The following PRKN variants were observed in gnomAD, a reference collection of about 807,000 sequenced individuals.
PRKN encodes the protein E3 ubiquitin-protein ligase parkin.
PRKN carries 56 observed loss-of-function variants against 59.5 expected under a neutral mutation model. The observed-to-expected ratio is 0.94, with a 90% CI of 0.76 to 1.18. The LOEUF is 1.18. Among genes scored for constraint, PRKN ranks in the 50% most tolerant of loss-of-function variants. PRKN has a pLI of 0.00. For synonymous variants in PRKN, 250 were observed against 222.1 expected (o/e 1.13, Z -1.12); for missense variants, 657 against 596.4 (o/e 1.10, Z -1.06).
At chr6:162,305,841 C>T (rs1782197077) in intron 2 of PRKN, among the ~76,000 whole-genome samples, 1 of 151,942 alleles carries the variant, frequency 6.6e-6, no homozygotes, top group African/African-American at 2.4e-5. Flanking sequence ...ATACATTTAT[C>T]ATATAGATAC....
In PRKN at chr6:161,372,348, A is replaced by T. The variant is rs1785474090; in HGVS notation, c.1168-12143T>A. Among the ~76,000 whole-genome samples the T allele has an allele frequency of 6.6e-6, 1 of 152,242 alleles. No individual in the cohort carries two copies. The highest frequency in any genetic ancestry group is 2.4e-5 in the African/African-American group (1 of 41,464). Reference sequence around the variant, plus strand: ...ACATAGATGGGATTCTGAATGCGGAATCATCACTAATAGGATGTGAGAGGG... The same window carrying T: ...ACATAGATGGGATTCTGAATGCGGATTCATCACTAATAGGATGTGAGAGGG... On this transcript the variant is annotated intron_variant, in intron 10 of 11. Transcript: ENST00000366898. The surrounding 1 kb of genome is among the most constrained non-coding windows in gnomAD (Gnocchi z 4.2).
intron 1 of PRKN, among the ~76,000 whole-genome samples, chr6:162,602,827 T>C (rs1350273373): frequency 6.6e-6 from 1 of 151,796 alleles, no homozygotes; most frequent in South Asian, 2.1e-4. Flanking sequence ...AAGCAGAGAG[T>C]GGCCTTTTAG....
At chr6:162,476,414 A>T (rs1792021033) in intron 1 of PRKN, among the ~76,000 whole-genome samples, 1 of 152,060 alleles carries the variant, frequency 6.6e-6, no homozygotes, top group Non-Finnish European at 1.5e-5. Flanking sequence ...TATATGTAAA[A>T]TTTTTAGTCT....
At chr6:161,491,565 A>C (rs1298355612) in intron 9 of PRKN, among the ~76,000 whole-genome samples, 1 of 152,226 alleles carries the variant, frequency 6.6e-6, no homozygotes, top group East Asian at 1.9e-4. Context: ...TCAGAGTGGC[A>C]TGTAGAGAAG....
At chr6:162,594,275 T>G (rs1224997786) in intron 1 of PRKN, among the ~76,000 whole-genome samples, 1 of 152,236 alleles carries the variant, frequency 6.6e-6, no homozygotes, top group Non-Finnish European at 1.5e-5. Context: ...TTAACAGTAT[T>G]TTATCTTACA....
chr6:161,906,666 ATATATATATG>A lies in PRKN; in HGVS notation c.734+66626_734+66635del, dbSNP rs201895614. On this transcript the variant is annotated intron_variant, in intron 6 of 11. Transcript: ENST00000366898. The stretch of plus-strand genomic sequence containing the variant: ...CAAATCTAATAGAACATACATATAT[ATATATATATG>A]TATATATGAGTTTATTTAGTAGTAT... 5.4e-3 allele frequency among the ~76,000 whole-genome samples: 673 copies of A among 124,612 alleles called. 38 individuals are homozygous for A. The highest frequency in any genetic ancestry group is 0.035 in the Middle Eastern group (7 of 202). 81.8% of individuals were successfully genotyped at this position (124,612 alleles called of 152,430 possible).
At chr6:162,102,366 C>G (rs946760414) in intron 4 of PRKN, among the ~76,000 whole-genome samples, 68 of 152,142 alleles carry the variant, frequency 4.5e-4, no homozygotes, top group African/African-American at 1.6e-3. Context: ...CTCTTTTGGT[C>G]CTGGCTACAT....
intron 9 of PRKN, among the ~76,000 whole-genome samples, chr6:161,441,646 T>C (rs1473828954): frequency 1.0e-5 from 1 of 97,538 alleles, no homozygotes; most frequent in African/African-American, 4.1e-5. Context: ...CTCTGTCTCT[T>C]AAAAAAAAAA....
intron 7 of PRKN, among the ~76,000 whole-genome samples, chr6:161,771,185 T>C (rs564358045): frequency 1.3e-5 from 2 of 151,602 alleles, no homozygotes; most frequent in Non-Finnish European, 2.9e-5. Flanking sequence ...TGAAACCCTG[T>C]CTCTACTAAA....
At chr6:161,700,448 A>G (rs1206264139) in intron 7 of PRKN, among the ~76,000 whole-genome samples, 1 of 152,008 alleles carries the variant, frequency 6.6e-6, no homozygotes, top group Non-Finnish European at 1.5e-5. Flanking sequence ...ACTCAATTAC[A>G]TTGCCCTGTT....
chr6:162,054,071 G>C lies in PRKN; in HGVS notation c.618+20C>G. 6.7e-7 allele frequency: 1 copy of C among 1,481,774 alleles called. No homozygotes were observed. Among genetic ancestry groups the C allele is most frequent in the South Asian group, 1.1e-5 (1 of 88,504 alleles). 91.8% of individuals were successfully genotyped at this position (1,481,774 alleles called of 1,614,324 possible). A position where few individuals can be genotyped will look rare whatever the true frequency, so the allele number is the denominator to read the frequency against. ...ATCATTTTCTTGCAATAAGAGGAAT[G>C]AATGTGACCAGGTACTTACTGCACT... On this transcript the variant is annotated intron_variant, in intron 5 of 11. Transcript: ENST00000366898.
At position 161,463,916 on chromosome 6, in the gene PRKN, G is replaced by A. The variant is rs1271354301; in HGVS notation, c.1084-77039C>T. ...TACTGTACTCCATAGAGCTAGGATG[G>A]TAGACATCAACATACAGAGACCTTT... On this transcript the variant is annotated intron_variant, in intron 9 of 11. Coordinates refer to ENST00000366898, the MANE Select transcript of PRKN (RefSeq NM_004562.3). This position sits in a 1 kb window ranked among gnomAD's most constrained non-coding sequence, Gnocchi z 4.8. Among the ~76,000 whole-genome samples, 19 of 152,144 alleles carry A rather than the reference G, an allele frequency of 1.2e-4. No individual in the cohort carries two copies. Among genetic ancestry groups the A allele is most frequent in the Admixed American group, 1.2e-3 (19 of 15,268 alleles).
At chr6:162,538,126 C>T (rs183649360) in intron 1 of PRKN, among the ~76,000 whole-genome samples, 3 of 152,164 alleles carry the variant, frequency 2.0e-5, no homozygotes, top group South Asian at 4.1e-4. Context: ...TCGGCGGGTG[C>T]GGTGGCTCAC....
intron 9 of PRKN, among the ~76,000 whole-genome samples, chr6:161,507,722 T>C (rs1287499452): frequency 6.6e-6 from 1 of 152,176 alleles, no homozygotes; most frequent in East Asian, 1.9e-4. Flanking sequence ...ATATTTTCTG[T>C]CAATTTAATC....
intron 2 of PRKN, among the ~76,000 whole-genome samples, chr6:162,439,564 T>C (rs1789952087): frequency 1.3e-5 from 2 of 152,246 alleles, no homozygotes; most frequent in South Asian, 4.1e-4. Context: ...ACTTTCAGAA[T>C]CTTCCTAAGC....
chr6:161,696,334 C>T (rs1786021367), intron 7 of PRKN, among the ~76,000 whole-genome samples: 1 of 152,174 alleles, frequency 6.6e-6, no homozygotes, highest in Non-Finnish European at 1.5e-5. Flanking sequence ...AGTTTCTAAA[C>T]TCTGCTGAAC....
At position 161,497,059 on chromosome 6, in the gene PRKN, C is replaced by A. The variant is rs563300169; in HGVS notation, c.1083+51795G>T. Reference sequence around the variant, plus strand: ...AGCAAATACATCAAGGCAGAAAACCCGTCACAAACCTGCTGGCATGCCCGT... The same window carrying A: ...AGCAAATACATCAAGGCAGAAAACCAGTCACAAACCTGCTGGCATGCCCGT... On this transcript the variant is annotated intron_variant, in intron 9 of 11. Transcript: ENST00000366898. The surrounding 1 kb of genome is among the most constrained non-coding windows in gnomAD (Gnocchi z 4.6). 5.3e-5 allele frequency among the ~76,000 whole-genome samples: 8 copies of A among 152,318 alleles called. No homozygotes were observed. The East Asian group carries it at 1.4e-3, about 26-fold the overall frequency.
At chr6:162,374,046 G>T (rs1354214220) in intron 2 of PRKN, among the ~76,000 whole-genome samples, 19 of 152,146 alleles carry the variant, frequency 1.2e-4, no homozygotes, top group Non-Finnish European at 5.9e-5. Flanking sequence ...ACAAGAGGAG[G>T]TTATAGCCTG....
intron 1 of PRKN, among the ~76,000 whole-genome samples, chr6:162,527,613 T>C (rs1778340868): frequency 6.6e-6 from 1 of 152,200 alleles, no homozygotes; most frequent in African/African-American, 2.4e-5. Flanking sequence ...GTTTCTTCGT[T>C]ACGACTGGTT....
Sources: allele counts gnomAD v4.1 joint callset (sites outside exome capture counted in the v4.1 genomes callset), GRCh38; gene constraint gnomAD v4.1.1; non-coding constraint Gnocchi (gnomAD v3.1); transcripts MANE v1.5; gene names NCBI Gene and HGNC (gene_info 2026-07-23, HGNC 2026-07-21).